MYH9: variants seen among roughly 807,000 people sequenced by gnomAD.
MYH9 encodes myosin heavy chain 9.
A neutral mutation model predicts 241.9 loss-of-function variants in MYH9; 29 were observed. The ratio of observed to expected loss-of-function variants is 0.12; its 90% CI spans 0.09 to 0.16. The LOEUF (loss-of-function observed/expected upper bound fraction) is 0.16. Ranked by LOEUF, MYH9 falls within the 10% of genes least tolerant of loss-of-function variation. The pLI, the probability that MYH9 is intolerant of heterozygous loss-of-function variation, is 1.00. For missense variants in MYH9, 1,803 were observed against 2,595.5 expected, an observed-to-expected ratio of 0.69 and a Z score of 6.63; for synonymous variants, 1,047 against 1,062.6, an observed-to-expected ratio of 0.99 and a Z score of 0.29.
At chr22:36,339,184 A>G (rs898469833) in intron 3 of MYH9, among the ~76,000 whole-genome samples, 1 of 152,244 alleles carries the variant, frequency 6.6e-6, no homozygotes, top group African/African-American at 2.4e-5. Flanking sequence ...CTCCTGCCTC[A>G]TCAGTACACA....
intron 12 of MYH9, 82 bp from the exon 13 acceptor site, chr22:36,314,400 G>T: frequency 6.4e-7 from 1 of 1,556,888 alleles, no homozygotes; most frequent in Non-Finnish European, 8.8e-7. Flanking sequence ...GGAGGGTGGG[G>T]CAGGGATACA....
Position 36,305,078 on chromosome 22 carries a change from G to A in MYH9, c.2184C>T (p.Ser728=). ...RQRYEILTPN[S]IPKGFMDGKQ... is the part of the protein sequence containing the mutation. ...TCCCGTCCATGAAACCCTTGGGAAT[G>A]GAGTTTGGAGTCAGGATCTCATATC... Residue 728 remains serine, a synonymous_variant, in exon 18 of 41, where the codon TCC becomes TCT. Transcript: ENST00000216181. The surrounding 1 kb of genome is among the most constrained non-coding windows in gnomAD (Gnocchi z 4.7). 6.2e-7 allele frequency: 1 copy of A among 1,614,084 alleles called. No individual in the cohort carries two copies. Among genetic ancestry groups the A allele is most frequent in the Non-Finnish European group, 8.5e-7 (1 of 1,179,936 alleles).
chr22:36,384,227 T>C (rs1206141034), intron 1 of MYH9, among the ~76,000 whole-genome samples: 1 of 150,810 alleles, frequency 6.6e-6, no homozygotes, highest in Admixed American at 6.6e-5. Flanking sequence ...GCTGAGATTG[T>C]GCCACTGCAC....
At chr22:36,313,859 G>A (rs2017107290) in intron 13 of MYH9, among the ~76,000 whole-genome samples, 1 of 152,098 alleles carries the variant, frequency 6.6e-6, no homozygotes, top group African/African-American at 2.4e-5. Flanking sequence ...TGGTCTTCTG[G>A]GACTGAAAAC....
intron 1 of MYH9, among the ~76,000 whole-genome samples, chr22:36,360,898 C>T (rs756255711): frequency 3.6e-4 from 55 of 152,170 alleles, no homozygotes; most frequent in Non-Finnish European, 6.3e-4. Flanking sequence ...TGCAATCCTG[C>T]AGGCACCACC....
In MYH9 at chr22:36,284,002, T is replaced by C. The variant is rs1041927587; in HGVS notation, c.5765+91A>G. The C allele has an allele frequency of 2.7e-6, 4 of 1,499,044 alleles. No individual in the cohort carries two copies. In the African/African-American group the frequency reaches 5.5e-5, roughly 21 times the overall value. The allele number at this position is 1,499,044 out of a possible 1,614,324, so 92.9% of individuals were successfully genotyped here. Reference sequence around the variant, plus strand: ...TTTGTGCAGTCCTTTCTTGGTGACATTCGTGCCTTGCTTGTGGGCTCTGGT... The same window carrying C: ...TTTGTGCAGTCCTTTCTTGGTGACACTCGTGCCTTGCTTGTGGGCTCTGGT... On this transcript the variant is annotated intron_variant, in intron 40 of 40. Transcript: ENST00000216181.
In MYH9 at chr22:36,285,443, C is replaced by A; in HGVS notation, c.5275-114G>T. On this transcript the variant is annotated intron_variant, in intron 37 of 40. Transcript: ENST00000216181. This position sits in a 1 kb window ranked among gnomAD's most constrained non-coding sequence, Gnocchi z 7.0. Reference sequence around the variant, plus strand: ...CCACCAAACCCTTGGGGTCCAGAGTCTTGGGTCTCCCAGAAAAGGGAAGAT... The same window carrying A: ...CCACCAAACCCTTGGGGTCCAGAGTATTGGGTCTCCCAGAAAAGGGAAGAT... 1 of 1,349,596 alleles carries A rather than the reference C, an allele frequency of 7.4e-7. No homozygotes were observed. Among genetic ancestry groups the A allele is most frequent in the East Asian group, 2.3e-5 (1 of 43,444 alleles). 83.6% of individuals were successfully genotyped at this position (1,349,596 alleles called of 1,614,324 possible).
chr22:36,286,670 T>C, intron 35 of MYH9, 48 bp downstream of exon 35: 3 of 1,606,460 alleles, frequency 1.9e-6, no homozygotes, highest in Middle Eastern at 1.7e-4. Flanking sequence ...CGCTGCCACC[T>C]GCTGGCCGCA....
intron 1 of MYH9, among the ~76,000 whole-genome samples, chr22:36,358,160 G>A (rs1329420531): frequency 6.6e-6 from 1 of 152,144 alleles, no homozygotes; most frequent in African/African-American, 2.4e-5. Flanking sequence ...CACCTCCCCG[G>A]TTCAAGCAAT....
rs2146349652 is a variant in MYH9 at position 36,307,532 on chromosome 22, A to G, written c.1844-925T>C. Among the ~76,000 whole-genome samples the G allele has an allele frequency of 1.3e-5, 2 of 152,364 alleles. 1 individual carries two copies. Among genetic ancestry groups the G allele is most frequent in the Middle Eastern group, 6.8e-3 (2 of 294 alleles). On this transcript the variant is annotated intron_variant, in intron 15 of 40. Coordinates refer to ENST00000216181, the MANE Select transcript of MYH9 (RefSeq NM_002473.6). The stretch of plus-strand genomic sequence containing the variant: ...TACTATTATTTACTTGAAGACAGCA[A>G]AAAGGATGCTTGCTTAAGACAGAAG...
chr22:36,326,696 C>T (rs779034516), intron 4 of MYH9, 35 bp from the exon 5 acceptor site: 4 of 1,572,474 alleles, frequency 2.5e-6, no homozygotes, highest in Non-Finnish European at 3.5e-6. Context: ...CGGGCTTAGG[C>T]ATGGCCAAGT....
intron 1 of MYH9, among the ~76,000 whole-genome samples, chr22:36,363,885 C>G (rs2017971708): frequency 6.6e-6 from 1 of 152,212 alleles, no homozygotes; most frequent in African/African-American, 2.4e-5. Flanking sequence ...TCCCACACCC[C>G]CAGGAGGGGG....
chr22:36,297,291 C>G, intron 24 of MYH9: 1 of 500,792 alleles, frequency 2.0e-6, no homozygotes, highest in Non-Finnish European at 3.6e-6. Context: ...CCTTGGTTCC[C>G]TTGAAGGCTG....
In MYH9 at chr22:36,282,436, C is replaced by T. The variant is rs1166190188; in HGVS notation, c.*232G>A. ...CTCTGCCTGGGCCCGGGCCCTGTCTCTTTGGTATCAGATTCTGAGCAGGGG... is the reference window on the plus strand; with the variant it reads ...CTCTGCCTGGGCCCGGGCCCTGTCTTTTTGGTATCAGATTCTGAGCAGGGG... On this transcript the variant is annotated 3_prime_UTR_variant, in exon 41 of 41. Transcript: ENST00000216181. 4.6e-6 allele frequency: 3 copies of T among 649,238 alleles called. No individual in the cohort carries two copies. Among genetic ancestry groups the T allele is most frequent in the African/African-American group, 3.6e-5 (2 of 56,058 alleles). 40.2% of individuals were successfully genotyped at this position (649,238 alleles called of 1,614,324 possible).
Position 36,284,531 on chromosome 22 carries a change from G to A in MYH9, c.5484-20C>T. The A allele has an allele frequency of 6.2e-7, 1 of 1,609,034 alleles. No individual in the cohort carries two copies. The highest frequency in any genetic ancestry group is 8.5e-7 in the Non-Finnish European group (1 of 1,178,730). On this transcript the variant is annotated intron_variant, in intron 38 of 40. Transcript: ENST00000216181. ...CGCTCCCTGCATGACAGACAAGGTG[G>A]CTCAGAGGGAACACCCTCCTTCAGA...
intron 1 of MYH9, among the ~76,000 whole-genome samples, chr22:36,372,965 C>T (rs537071041): frequency 5.9e-5 from 9 of 152,142 alleles, no homozygotes; most frequent in Admixed American, 5.2e-4. Flanking sequence ...AAAGGAAATA[C>T]GGGAGCAAAG....
chr22:36,316,772 G>T (rs748615556), intron 11 of MYH9, 103 bp from the exon 12 acceptor site: 6 of 1,361,564 alleles, frequency 4.4e-6, no homozygotes, highest in South Asian at 1.2e-5. Flanking sequence ...CCCCCTAGAG[G>T]AACAGCCCTA....
At chr22:36,350,980 TC>T (rs780265585) in intron 1 of MYH9, among the ~76,000 whole-genome samples, 4 of 151,982 alleles carry the variant, frequency 2.6e-5, no homozygotes, top group Non-Finnish European at 5.9e-5. Context: ...AGTCCCCAGA[TC>T]CAAACACGGA....
At chr22:36,311,953 C>T (rs541068342) in intron 14 of MYH9, 96 bp downstream of exon 14, 16 of 1,476,534 alleles carry the variant, frequency 1.1e-5, no homozygotes, top group Admixed American at 5.0e-5. Flanking sequence ...CACACCCCTG[C>T]GTCCCCAGCA....
Sources: gnomAD v4.1 joint callset for allele counts (sites outside exome capture counted in the v4.1 genomes callset) on GRCh38, gnomAD v4.1.1 for gene constraint, Gnocchi (gnomAD v3.1) non-coding constraint, MANE v1.5 for transcripts, NCBI Gene and HGNC (gene_info 2026-07-23, HGNC 2026-07-21) for gene names.